AFG2A: variants seen among roughly 807,000 people sequenced by gnomAD.
The protein encoded by AFG2A is AAA ATPase AFG2A, also known as ATPase family gene 2 protein homolog A.
At chr4:123,196,270 A>G in the AFG2A span, among the ~76,000 whole-genome samples, 27 of 147,640 alleles carry the variant, frequency 1.8e-4, 1 homozygote, top group South Asian at 4.9e-3. Context: ...TGGCCTCCCA[A>G]AGTGCTGGGA....
the AFG2A span, among the ~76,000 whole-genome samples, chr4:123,021,475 C>CCA: frequency 6.6e-6 from 1 of 152,068 alleles, no homozygotes; most frequent in Non-Finnish European, 1.5e-5. Flanking sequence ...TTCTTAAACC[C>CCA]CACTACTCCT....
the AFG2A span, among the ~76,000 whole-genome samples, chr4:123,244,459 A>G: frequency 6.6e-6 from 1 of 152,206 alleles, no homozygotes; most frequent in Non-Finnish European, 1.5e-5. Flanking sequence ...ACAGCTCTGC[A>G]TCACCACTCG....
At chr4:123,212,555 C>T in the AFG2A span, among the ~76,000 whole-genome samples, 1 of 152,154 alleles carries the variant, frequency 6.6e-6, no homozygotes, top group Admixed American at 6.5e-5. Flanking sequence ...CCAATCTTAG[C>T]TAGAAAATGA....
the AFG2A span, among the ~76,000 whole-genome samples, chr4:123,277,111 T>G: frequency 6.6e-6 from 1 of 152,224 alleles, no homozygotes; most frequent in African/African-American, 2.4e-5. Context: ...TTCCTATCTG[T>G]GAGCATGGAA....
At chr4:122,936,233 C>T in the AFG2A span, 1 of 1,097,254 alleles carries the variant, frequency 9.1e-7, no homozygotes, top group African/African-American at 1.6e-5. Flanking sequence ...GCACCTTATA[C>T]AAAGCATAAA....
the AFG2A span, among the ~76,000 whole-genome samples, chr4:123,097,162 T>C: frequency 6.6e-6 from 1 of 152,018 alleles, no homozygotes; most frequent in Non-Finnish European, 1.5e-5. Flanking sequence ...GAAAGTTTTA[T>C]GACATGGGGA....
the AFG2A span, among the ~76,000 whole-genome samples, chr4:122,987,172 A>G: frequency 6.6e-6 from 1 of 152,078 alleles, no homozygotes; most frequent in African/African-American, 2.4e-5. Context: ...GAAAATTGCT[A>G]TGAAATAGCA....
At chr4:123,186,713 A>T in the AFG2A span, among the ~76,000 whole-genome samples, 2 of 152,342 alleles carry the variant, frequency 1.3e-5, no homozygotes, top group East Asian at 3.9e-4. Flanking sequence ...TAAAAACTGT[A>T]TATACAGTTT....
chr4:123,304,957 G>A, the AFG2A span, among the ~76,000 whole-genome samples: 11 of 152,192 alleles, frequency 7.2e-5, no homozygotes, highest in African/African-American at 2.4e-4. Context: ...GACCTTGTGT[G>A]TACTCTTAAA....
At chr4:122,928,295 C>A in the AFG2A span, among the ~76,000 whole-genome samples, 1 of 152,154 alleles carries the variant, frequency 6.6e-6, no homozygotes, top group African/African-American at 2.4e-5. Context: ...TCCTTGCTGT[C>A]ATTTTTCATA....
chr4:123,168,619 T>A, the AFG2A span, among the ~76,000 whole-genome samples: 1 of 152,138 alleles, frequency 6.6e-6, no homozygotes, highest in Non-Finnish European at 1.5e-5. Context: ...CCACTTCAAA[T>A]GGGGATTAGT....
the AFG2A span, among the ~76,000 whole-genome samples, chr4:123,138,890 A>G: frequency 6.6e-6 from 1 of 152,070 alleles, no homozygotes; most frequent in Non-Finnish European, 1.5e-5. Context: ...ATTTAGAAAC[A>G]CATATACATG....
the AFG2A span, among the ~76,000 whole-genome samples, chr4:122,945,118 G>A: frequency 6.6e-6 from 1 of 152,216 alleles, no homozygotes; most frequent in Non-Finnish European, 1.5e-5. Flanking sequence ...CAGTCTGCCT[G>A]TTCTCAGATC....
chr4:123,080,546 T>C, the AFG2A span, among the ~76,000 whole-genome samples: 1 of 152,148 alleles, frequency 6.6e-6, no homozygotes, highest in Non-Finnish European at 1.5e-5. Context: ...GTGTTAGCAT[T>C]CTCTTCATTA....
chr4:123,131,531 GT>G, the AFG2A span, among the ~76,000 whole-genome samples: 3 of 151,990 alleles, frequency 2.0e-5, no homozygotes, highest in African/African-American at 7.2e-5. Context: ...TTTCTACTTT[GT>G]TTCTATGAAT....
At chr4:123,123,226 C>T in the AFG2A span, among the ~76,000 whole-genome samples, 10 of 152,210 alleles carry the variant, frequency 6.6e-5, no homozygotes, top group East Asian at 1.5e-3. Context: ...TGATTAAATT[C>T]TTGATAAGTC....
chr4:123,224,730 A>G, the AFG2A span, among the ~76,000 whole-genome samples: 79 of 152,266 alleles, frequency 5.2e-4, no homozygotes, highest in African/African-American at 1.8e-3. Context: ...ATACCCAGTA[A>G]TGGGATGGCT....
At chr4:123,038,646 G>A in the AFG2A span, among the ~76,000 whole-genome samples, 2 of 152,054 alleles carry the variant, frequency 1.3e-5, no homozygotes, top group Non-Finnish European at 2.9e-5. Flanking sequence ...GGCCATCTAG[G>A]TAAGATTCAT....
At chr4:123,309,389 A>G in the AFG2A span, among the ~76,000 whole-genome samples, 2 of 152,322 alleles carry the variant, frequency 1.3e-5, no homozygotes, top group South Asian at 4.1e-4. Context: ...GGGGCCAACC[A>G]GCTCCATCAG....
Sources: allele counts gnomAD v4.1 joint callset (sites outside exome capture counted in the v4.1 genomes callset), GRCh38; gene constraint gnomAD v4.1.1; transcripts MANE v1.5; gene names NCBI Gene and HGNC (gene_info 2026-07-23, HGNC 2026-07-21).